The following ATXN1 variants were observed in gnomAD, a reference collection of about 807,000 sequenced individuals.
ATXN1 encodes ataxin-1.
In ATXN1, 8 loss-of-function variants were observed where a neutral mutation model predicts 56.4. The ratio of observed to expected loss-of-function variants is 0.14; its 90% CI spans 0.08 to 0.26. The LOEUF (loss-of-function observed/expected upper bound fraction) is 0.26, where lower values mean the gene tolerates loss of function less well. Ranked by LOEUF, ATXN1 falls within the 10% of genes least tolerant of loss-of-function variation. The probability of loss-of-function intolerance (pLI) is 1.00; values close to 1 mark genes in which losing one functional copy is unlikely to be tolerated. For synonymous variants in ATXN1, 514 were observed against 494.6 expected (o/e 1.04, Z -0.52); for missense variants, 987 against 1,106.5 (o/e 0.89, Z 1.53).
intron 6 of ATXN1, among the ~76,000 whole-genome samples, chr6:16,470,062 C>T (rs1362374218): frequency 6.6e-6 from 1 of 151,858 alleles, no homozygotes; most frequent in East Asian, 1.9e-4. Context: ...TAACAATAAA[C>T]TAAAGGTGGA....
intron 3 of ATXN1, among the ~76,000 whole-genome samples, chr6:16,599,460 C>T (rs887394672): frequency 3.3e-5 from 5 of 151,902 alleles, no homozygotes; most frequent in African/African-American, 1.2e-4. Flanking sequence ...CACCTGTAAT[C>T]CCAGCATTTT....
intron 4 of ATXN1, among the ~76,000 whole-genome samples, chr6:16,571,073 G>T (rs1762323535): frequency 1.3e-5 from 2 of 152,130 alleles, no homozygotes; most frequent in South Asian, 4.2e-4. Context: ...GATTCTGCCT[G>T]CCTTTACCTT....
At chr6:16,528,848 TAA>T (rs1386965801) in intron 4 of ATXN1, among the ~76,000 whole-genome samples, 1 of 152,070 alleles carries the variant, frequency 6.6e-6, no homozygotes, top group East Asian at 1.9e-4. Context: ...CACGAGAGAT[TAA>T]AGTCTCAATA....
chr6:16,367,335 C>CTCTT lies in ATXN1; in HGVS notation c.-160-38866_-160-38865insAAGA, dbSNP rs139589322. On this transcript the variant is annotated intron_variant, in intron 6 of 7. Coordinates refer to ENST00000436367, the MANE Select transcript of ATXN1 (RefSeq NM_001128164.2). ...ACATCTTGCAGCCAAGATTCTGTTT[C>CTCTT]TCTCTCTCTCTCTCTCTCTCTCTCT... Among the ~76,000 whole-genome samples, 211 of 62,762 alleles carry CTCTT rather than the reference C, an allele frequency of 3.4e-3. 1 individual carries two copies. The highest frequency in any genetic ancestry group is 9.0e-3 in the East Asian group (23 of 2,542). 41.2% of individuals were successfully genotyped at this position (62,762 alleles called of 152,430 possible).
intron 2 of ATXN1, among the ~76,000 whole-genome samples, chr6:16,683,401 G>A (rs1433220552): frequency 1.3e-5 from 2 of 152,232 alleles, no homozygotes; most frequent in Non-Finnish European, 2.9e-5. Context: ...CAGCTTCAGT[G>A]CCTTTAAGGT....
At chr6:16,495,838 G>C (rs936850922) in intron 5 of ATXN1, among the ~76,000 whole-genome samples, 2 of 151,580 alleles carry the variant, frequency 1.3e-5, no homozygotes, top group Non-Finnish European at 2.9e-5. Flanking sequence ...ACTCTAGCCT[G>C]GGTGACAGAG....
Position 16,328,832 on chromosome 6 carries a change from CAGG to C in ATXN1, c.-160-365_-160-363del, listed in dbSNP as rs1760913307. Among the ~76,000 whole-genome samples, 1 of 152,176 alleles carries C rather than the reference CAGG, an allele frequency of 6.6e-6. No individual in the cohort carries two copies. The highest frequency in any genetic ancestry group is 1.5e-5 in the Non-Finnish European group (1 of 68,030). On this transcript the variant is annotated intron_variant, in intron 6 of 7. Coordinates refer to ENST00000436367, the MANE Select transcript of ATXN1 (RefSeq NM_001128164.2). The surrounding 1 kb of genome is among the most constrained non-coding windows in gnomAD (Gnocchi z 6.2). ...GTCCCAGCTACTTGAGAGGCTGAGG[CAGG>C]AGAATTGCTTGAACCCAGGAGGCAG...
chr6:16,514,048 G>C (rs957696901), intron 5 of ATXN1, among the ~76,000 whole-genome samples: 6 of 152,130 alleles, frequency 3.9e-5, no homozygotes, highest in Non-Finnish European at 7.3e-5. Flanking sequence ...CTGTGTGCAA[G>C]CTGCACACAG....
chr6:16,307,463 G>A (rs1760276349), intron 7 of ATXN1, among the ~76,000 whole-genome samples: 1 of 152,006 alleles, frequency 6.6e-6, no homozygotes, highest in African/African-American at 2.4e-5. Flanking sequence ...GAGGTCAGGA[G>A]TTCAAGACCA....
chr6:16,617,425 A>C (rs561690791), intron 3 of ATXN1, among the ~76,000 whole-genome samples: 1 of 151,490 alleles, frequency 6.6e-6, no homozygotes, highest in African/African-American at 2.4e-5. Context: ...ATAAATGCTG[A>C]AAAAAAATAT....
chr6:16,427,495 ACACT>A (rs1242562724), intron 6 of ATXN1, among the ~76,000 whole-genome samples: 1 of 152,210 alleles, frequency 6.6e-6, no homozygotes, highest in African/African-American at 2.4e-5. Flanking sequence ...CATGTGACAC[ACACT>A]CACATTCATA....
chr6:16,387,780 A>G (rs958453307), intron 6 of ATXN1, among the ~76,000 whole-genome samples: 1 of 152,356 alleles, frequency 6.6e-6, no homozygotes, highest in African/African-American at 2.4e-5. Flanking sequence ...GAATCAGGCT[A>G]TCAGATATCT....
intron 6 of ATXN1, among the ~76,000 whole-genome samples, chr6:16,396,009 G>T (rs553066491): frequency 2.2e-5 from 2 of 91,748 alleles, no homozygotes; most frequent in Non-Finnish European, 3.8e-5. Context: ...GCGAGACTCC[G>T]TCTCAAAAAA....
At chr6:16,380,308 G>A (rs776916646) in intron 6 of ATXN1, among the ~76,000 whole-genome samples, 6 of 152,272 alleles carry the variant, frequency 3.9e-5, no homozygotes, top group South Asian at 2.1e-4. Context: ...ATGCCAGGCA[G>A]ACCACAGTGC....
At chr6:16,350,510 C>A (rs938042535) in intron 6 of ATXN1, among the ~76,000 whole-genome samples, 2 of 152,210 alleles carry the variant, frequency 1.3e-5, no homozygotes, top group Non-Finnish European at 2.9e-5. Context: ...ATATTTGATA[C>A]CTCTCTCGCA....
At chr6:16,697,289 C>T (rs3812202) in intron 2 of ATXN1, among the ~76,000 whole-genome samples, 110,416 of 152,104 alleles carry the variant, frequency 0.73, 40,777 homozygotes, top group African/African-American at 0.88. Flanking sequence ...TAAGTTTTTG[C>T]CACCAAACTT....
chr6:16,737,079 T>C (rs746496447), intron 2 of ATXN1: 2 of 152,158 alleles, frequency 1.3e-5, no homozygotes, highest in East Asian at 1.9e-4. Flanking sequence ...GAATTACGCA[T>C]AGACACACAG....
chr6:16,673,678 C>T (rs1450520181), intron 2 of ATXN1, among the ~76,000 whole-genome samples: 3 of 151,828 alleles, frequency 2.0e-5, no homozygotes, highest in Non-Finnish European at 4.4e-5. Context: ...TTCAAGAGAC[C>T]CCTGACTCTG....
chr6:16,532,753 G>A (rs1183471829), intron 4 of ATXN1, among the ~76,000 whole-genome samples: 1 of 152,208 alleles, frequency 6.6e-6, no homozygotes, highest in Non-Finnish European at 1.5e-5. Flanking sequence ...TGGCAAGGAT[G>A]TGGACAAATT....
Sources: allele counts gnomAD v4.1 joint callset (sites outside exome capture counted in the v4.1 genomes callset), GRCh38; gene constraint gnomAD v4.1.1; non-coding constraint Gnocchi (gnomAD v3.1); transcripts MANE v1.5; gene names NCBI Gene and HGNC (gene_info 2026-07-23, HGNC 2026-07-21).